FBXO32: variants seen among roughly 807,000 people sequenced by gnomAD.
The protein encoded by FBXO32 is F-box protein 32, also known as F-box only protein 32.
In FBXO32, 15 loss-of-function variants were observed where a neutral mutation model predicts 48.3. The observed-to-expected ratio is 0.31, with a 90% CI of 0.21 to 0.48. FBXO32 has a LOEUF of 0.48. FBXO32 is among the 20% of genes least tolerant of loss of function. FBXO32 has a pLI of 0.99. For missense variants in FBXO32, 309 were observed against 432.7 expected, an observed-to-expected ratio of 0.71 and a Z score of 2.54; for synonymous variants, 154 against 165.9, an observed-to-expected ratio of 0.93 and a Z score of 0.55.
chr8:123,531,782 C>T (rs1817214952), intron 4 of FBXO32, 116 bp downstream of exon 4: 7 of 1,298,558 alleles, frequency 5.4e-6, no homozygotes, highest in Non-Finnish European at 7.3e-6. Context: ...CTGCTTGCCT[C>T]AAAATTCTTA....
chr8:123,511,735 C>CA (rs1290876582), intron 6 of FBXO32, among the ~76,000 whole-genome samples: 1 of 152,164 alleles, frequency 6.6e-6, no homozygotes. Flanking sequence ...CTCGGCCTCC[C>CA]AAAGTGCTGG....
intron 4 of FBXO32, among the ~76,000 whole-genome samples, chr8:123,526,566 C>T (rs1817081976): frequency 6.6e-6 from 1 of 152,122 alleles, no homozygotes; most frequent in South Asian, 2.1e-4. Flanking sequence ...CTACTTCTGT[C>T]CATACTTGAA....
In FBXO32 at chr8:123,502,028, T is replaced by A. The variant is rs1816503081; in HGVS notation, c.*1345A>T. 1.3e-5 allele frequency: 2 copies of A among 152,134 alleles called. No homozygotes were observed. Among genetic ancestry groups the A allele is most frequent in the South Asian group, 4.1e-4 (2 of 4,832 alleles). The allele number at this position is 152,134 out of a possible 1,614,324, so 9.4% of individuals were successfully genotyped here. A position where few individuals can be genotyped will look rare whatever the true frequency, so the allele number is the denominator to read the frequency against. ...ACCTGCTGATATTTGCCTCGTAAGA[T>A]CCCCTTGGGATCTTCCTGTTTTAAC... is the stretch of plus-strand genomic sequence containing the variant. On this transcript the variant is annotated 3_prime_UTR_variant, in exon 9 of 9. Transcript: ENST00000517956.
intron 3 of FBXO32, 153 bp from the exon 4 acceptor site, chr8:123,532,143 C>T (rs1198705828): frequency 3.5e-6 from 5 of 1,420,254 alleles, no homozygotes; most frequent in Non-Finnish European, 4.6e-6. Flanking sequence ...TTCCTGTACC[C>T]ACAAGCCCTT....
chr8:123,533,313 T>C, intron 2 of FBXO32, 73 bp from the exon 3 acceptor site: 2 of 1,270,270 alleles, frequency 1.6e-6, no homozygotes, highest in Non-Finnish European at 2.3e-6. Flanking sequence ...TCATTTCATT[T>C]ATTCCAAAGT....
Position 123,506,430 on chromosome 8 carries a change from A to G in FBXO32, c.796T>C (p.Trp266Arg). The change falls in exon 7 of 9, where the codon TGG becomes CGG. Residue 266 changes from tryptophan (W) to arginine (R), a missense_variant. Transcript: ENST00000517956. The surrounding 1 kb of genome is among the most constrained non-coding windows in gnomAD (Gnocchi z 4.0). ...LHVLSEDRLL[W>R]KKLCQYHFSE... ...AAGTGGTACTGGCAGAGTTTCTTCC[A>G]CAGCAGCCGGTCTTCGCTGAGCACG... 6.2e-7 allele frequency: 1 copy of G among 1,614,084 alleles called. No individual in the cohort carries two copies. The highest frequency in any genetic ancestry group is 8.5e-7 in the Non-Finnish European group (1 of 1,180,018).
chr8:123,531,202 A>C (rs1817201081), intron 4 of FBXO32, among the ~76,000 whole-genome samples: 1 of 151,144 alleles, frequency 6.6e-6, no homozygotes, highest in South Asian at 2.1e-4. Flanking sequence ...GGCTGGTCTC[A>C]AACTCCTGAC....
At chr8:123,531,780 C>T in intron 4 of FBXO32, 118 bp downstream of exon 4, 1 of 1,258,722 alleles carries the variant, frequency 7.9e-7, no homozygotes, top group Middle Eastern at 2.0e-4. Flanking sequence ...TTCTGCTTGC[C>T]TCAAAATTCT....
At chr8:123,519,627 G>A (rs1170749456) in intron 4 of FBXO32, among the ~76,000 whole-genome samples, 1 of 151,570 alleles carries the variant, frequency 6.6e-6, no homozygotes, top group Admixed American at 6.6e-5. Flanking sequence ...TAAGGGCACT[G>A]TAATGCTCAG....
At position 123,513,055 on chromosome 8, in the gene FBXO32, C is replaced by T; in HGVS notation, c.651+143G>A. The T allele has an allele frequency of 1.1e-6, 1 of 901,628 alleles. No individual in the cohort carries two copies. Among genetic ancestry groups the T allele is most frequent in the Admixed American group, 2.8e-5 (1 of 35,254 alleles). The allele number at this position is 901,628 out of a possible 1,614,324, so 55.9% of individuals were successfully genotyped here. A position where few individuals can be genotyped will look rare whatever the true frequency, so the allele number is the denominator to read the frequency against. On this transcript the variant is annotated intron_variant, in intron 6 of 8. Coordinates refer to ENST00000517956, the MANE Select transcript of FBXO32 (RefSeq NM_058229.4). This position sits in a 1 kb window ranked among gnomAD's most constrained non-coding sequence, Gnocchi z 4.3. ...CCCTTTATCAGGAGGTCCCCCAGCCCACCCTCAGCACCAGAACAAAGCAGC... is the reference window on the plus strand; with the variant it reads ...CCCTTTATCAGGAGGTCCCCCAGCCTACCCTCAGCACCAGAACAAAGCAGC...
At chr8:123,534,646 C>T in intron 2 of FBXO32, 56 bp downstream of exon 2, 41 of 1,133,226 alleles carry the variant, frequency 3.6e-5, no homozygotes, top group Non-Finnish European at 5.3e-5. Context: ...CATCCAAGAA[C>T]CAATCATAAC....
chr8:123,540,866 CGG>C lies in FBXO32; in HGVS notation c.116+31_116+32del. The stretch of plus-strand genomic sequence containing the variant: ...CCCAGACCAGCCCGGGTCAGTTTCG[CGG>C]GGGCTGGAAGTTGGTAGCGGGTCCC... On this transcript the variant is annotated intron_variant, in intron 1 of 8. Coordinates refer to ENST00000517956, the MANE Select transcript of FBXO32 (RefSeq NM_058229.4). This position sits in a 1 kb window ranked among gnomAD's most constrained non-coding sequence, Gnocchi z 6.4. 1.3e-6 allele frequency: 2 copies of C among 1,573,438 alleles called. No homozygotes were observed. The highest frequency in any genetic ancestry group is 2.2e-5 in the South Asian group (2 of 89,522).
chr8:123,517,772 C>T (rs1018630108), intron 4 of FBXO32, among the ~76,000 whole-genome samples: 1 of 152,178 alleles, frequency 6.6e-6, no homozygotes, highest in Non-Finnish European at 1.5e-5. Flanking sequence ...CTACTTACTT[C>T]ACAGGATTGC....
rs924188688 is a variant in FBXO32 at position 123,499,633 on chromosome 8, T to A, written c.*3740A>T. 7.2e-5 allele frequency: 11 copies of A among 152,220 alleles called. No homozygotes were observed. Among genetic ancestry groups the A allele is most frequent in the Non-Finnish European group, 2.9e-5 (2 of 68,042 alleles). The allele number at this position is 152,220 out of a possible 1,614,324, so 9.4% of individuals were successfully genotyped here. ...GCAGAAAAACATAAACTCAGGTGTA[T>A]ATTTTATAATAAACATTGTATTGAA... On this transcript the variant is annotated 3_prime_UTR_variant, in exon 9 of 9. Transcript: ENST00000517956.
At chr8:123,507,438 G>GGTGTGT (rs200031056) in intron 6 of FBXO32, among the ~76,000 whole-genome samples, 7,049 of 139,794 alleles carry the variant, frequency 0.05, 227 homozygotes, top group East Asian at 0.11. Flanking sequence ...TCTGTGCTAG[G>GGTGTGT]GTGTGTGTGT....
chr8:123,512,814 C>G (rs568468241), intron 6 of FBXO32, among the ~76,000 whole-genome samples: 3 of 152,254 alleles, frequency 2.0e-5, no homozygotes, highest in African/African-American at 7.2e-5. Context: ...ACTGCCTTCC[C>G]AGCTCTACTG....
intron 7 of FBXO32, among the ~76,000 whole-genome samples, 194 bp from the exon 8 acceptor site, chr8:123,504,941 A>G (rs1033552908): frequency 2.0e-5 from 3 of 152,068 alleles, no homozygotes; most frequent in Non-Finnish European, 2.9e-5. Context: ...GCTTTTAACC[A>G]AGCTTAAAAA....
At chr8:123,517,472 C>A (rs1245305173) in intron 4 of FBXO32, among the ~76,000 whole-genome samples, 1 of 131,214 alleles carries the variant, frequency 7.6e-6, no homozygotes, top group Non-Finnish European at 1.7e-5. Context: ...GAAAGTCCCC[C>A]CTACCTTTTT....
rs1482373167 is a variant in FBXO32 at position 123,513,988 on chromosome 8, T to C, written c.466+252A>G. ...GGACCTGTGTCTACACTGAGAAGCCTACGAGGCTTATAGTAGGGCAAGTGG... is the reference window on the plus strand; with the variant it reads ...GGACCTGTGTCTACACTGAGAAGCCCACGAGGCTTATAGTAGGGCAAGTGG... On this transcript the variant is annotated intron_variant, in intron 5 of 8. Transcript: ENST00000517956. This position sits in a 1 kb window ranked among gnomAD's most constrained non-coding sequence, Gnocchi z 4.3. The C allele has an allele frequency of 2.4e-6, 1 of 413,908 alleles. No individual in the cohort carries two copies. The highest frequency in any genetic ancestry group is 4.3e-6 in the Non-Finnish European group (1 of 233,664). 25.6% of individuals were successfully genotyped at this position (413,908 alleles called of 1,614,324 possible).
Sources: allele counts gnomAD v4.1 joint callset (sites outside exome capture counted in the v4.1 genomes callset), GRCh38; gene constraint gnomAD v4.1.1; non-coding constraint Gnocchi (gnomAD v3.1); transcripts MANE v1.5; gene names NCBI Gene and HGNC (gene_info 2026-07-23, HGNC 2026-07-21).